Variants in RPH3AL observed in about 807,000 individuals in gnomAD.
The protein encoded by RPH3AL is rabphilin 3A like (without C2 domains).
RPH3AL carries 38 observed loss-of-function variants against 43.1 expected under a neutral mutation model. The observed-to-expected ratio is 0.88, with a 90% CI of 0.68 to 1.15. The LOEUF is 1.15. Ranked by LOEUF, RPH3AL falls within the 50% of genes most tolerant of loss-of-function variation. The pLI is 0.00. For synonymous variants in RPH3AL, 189 were observed against 176.3 expected (o/e 1.07, Z -0.57); for missense variants, 462 against 423.2 (o/e 1.09, Z -0.81).
chr17:326,586 G>T (rs974845901), intron 3 of RPH3AL, among the ~76,000 whole-genome samples: 1 of 152,172 alleles, frequency 6.6e-6, no homozygotes. Flanking sequence ...CTGAGGGACA[G>T]CAGGAAAACC....
At chr17:220,766 C>A (rs866885866) in intron 7 of RPH3AL, among the ~76,000 whole-genome samples, 371 of 1,538 alleles carry the variant, frequency 0.24, 23 homozygotes, top group Middle Eastern at 0.5. Flanking sequence ...TAGACCCAAG[C>A]ACATCAGCTC....
chr17:224,023 G>A (rs1436208661), intron 7 of RPH3AL, among the ~76,000 whole-genome samples: 1 of 152,218 alleles, frequency 6.6e-6, no homozygotes, highest in East Asian at 1.9e-4. Context: ...GGGACTCGTG[G>A]TCTTGCCTCT....
intron 5 of RPH3AL, among the ~76,000 whole-genome samples, chr17:298,021 C>T (rs1470569339): frequency 1.3e-5 from 2 of 152,164 alleles, no homozygotes; most frequent in Admixed American, 6.5e-5. Context: ...CACGCCAGCC[C>T]CACACTTTGC....
At chr17:337,390 G>C (rs1009118363) in intron 1 of RPH3AL, among the ~76,000 whole-genome samples, 1 of 152,110 alleles carries the variant, frequency 6.6e-6, no homozygotes, top group African/African-American at 2.4e-5. Context: ...AGTACGCCAC[G>C]ACACCCAGCC....
intron 7 of RPH3AL, among the ~76,000 whole-genome samples, chr17:242,174 C>T (rs1329997081): frequency 6.6e-6 from 1 of 152,116 alleles, no homozygotes; most frequent in South Asian, 2.1e-4. Flanking sequence ...AAGGAACCCA[C>T]CTCAGAAACA....
rs373780238 is a variant in RPH3AL at position 319,447 on chromosome 17, C to T, written c.324G>A (p.Ser108=). ...TCCTGCAGTCTTTGCAGAACACCGA[C>T]GAGCTGCCCAGGAAGCCCAGCACCT... is the stretch of plus-strand genomic sequence containing the variant. The part of the protein sequence containing the change: ...CGEVLGFLGS[S]SVFCKDCRKK... Residue 108 remains serine, a synonymous_variant, in exon 5 of 10, where the codon TCG becomes TCA. Transcript: ENST00000331302. 33 of 1,612,432 alleles carry T rather than the reference C, an allele frequency of 2.0e-5. No homozygotes were observed. Among genetic ancestry groups the T allele is most frequent in the East Asian group, 8.9e-5 (4 of 44,878 alleles).
At chr17:350,560 G>A (rs756833739) in intron 1 of RPH3AL, among the ~76,000 whole-genome samples, 7 of 152,136 alleles carry the variant, frequency 4.6e-5, no homozygotes, top group South Asian at 4.2e-4. Context: ...GCAGTGAGCC[G>A]AGATCGCACC....
chr17:271,203 G>A (rs776458934), intron 6 of RPH3AL, among the ~76,000 whole-genome samples: 101 of 152,208 alleles, frequency 6.6e-4, no homozygotes, highest in Non-Finnish European at 1.2e-3. Context: ...CTGAAATCAG[G>A]TAGCGTGATG....
chr17:216,480 T>C (rs917844289), intron 8 of RPH3AL, among the ~76,000 whole-genome samples: 1 of 152,180 alleles, frequency 6.6e-6, no homozygotes, highest in Non-Finnish European at 1.5e-5. Context: ...GTTTCTGGTC[T>C]TTGCCTGGCC....
chr17:264,370 A>ACCGTGT lies in RPH3AL; in HGVS notation c.439-17086_439-17085insACACGG, dbSNP rs2042271836. ...CGCTGGATGGGGACTCAGAATCCGCAGCACGTTGACAGCAGGATTACCCTT... is the reference window on the plus strand; with the variant it reads ...CGCTGGATGGGGACTCAGAATCCGCACCGTGTGCACGTTGACAGCAGGATTACCCTT... On this transcript the variant is annotated intron_variant, in intron 6 of 9. Coordinates refer to ENST00000331302, the MANE Select transcript of RPH3AL (RefSeq NM_006987.4). The surrounding 1 kb of genome is among the most constrained non-coding windows in gnomAD (Gnocchi z 4.8). Among the ~76,000 whole-genome samples the ACCGTGT allele has an allele frequency of 5.6e-5, 4 of 71,972 alleles. No homozygotes were observed. The highest frequency in any genetic ancestry group is 1.1e-4 in the African/African-American group (2 of 18,738). The allele number at this position is 71,972 out of a possible 152,430, so 47.2% of individuals were successfully genotyped here.
At chr17:266,318 G>A (rs890710468) in intron 6 of RPH3AL, among the ~76,000 whole-genome samples, 3 of 151,486 alleles carry the variant, frequency 2.0e-5, no homozygotes, top group African/African-American at 7.3e-5. Context: ...GTGCACCTGC[G>A]TGCATGCTGG....
At chr17:236,521 C>T (rs1370078556) in intron 7 of RPH3AL, among the ~76,000 whole-genome samples, 1 of 151,866 alleles carries the variant, frequency 6.6e-6, no homozygotes, top group East Asian at 1.9e-4. Context: ...ACTTTTTCTC[C>T]CAAGTATGGA....
intron 7 of RPH3AL, among the ~76,000 whole-genome samples, chr17:240,000 G>T (rs1450869185): frequency 6.6e-6 from 1 of 152,166 alleles, no homozygotes; most frequent in Non-Finnish European, 1.5e-5. Context: ...CACTTTGGGA[G>T]GCCAAGGTGG....
rs769158104 is a variant in RPH3AL at position 247,202 on chromosome 17, G to T, written c.522C>A (p.Asp174Glu). 2.0e-5 allele frequency: 33 copies of T among 1,613,924 alleles called. No individual in the cohort carries two copies. The highest frequency in any genetic ancestry group is 2.7e-5 in the Non-Finnish European group (32 of 1,179,982). ...CCGTGGGCAAAGGTCGGAAGTGGGG[G>T]TCATCAGCTCGGCCAGGGGTCTTCA... Reference protein sequence around the residue: ...LPLKTPGRADDPHFRPLPTEP... With the variant: ...LPLKTPGRADEPHFRPLPTEP... The change falls in exon 7 of 10, where the codon GAC (aspartate) becomes GAA (glutamate). Residue 174 changes from aspartate to glutamate, a missense_variant. Transcript: ENST00000331302.
At chr17:313,617 G>C (rs1477780147) in intron 5 of RPH3AL, among the ~76,000 whole-genome samples, 1 of 152,180 alleles carries the variant, frequency 6.6e-6, no homozygotes, top group Non-Finnish European at 1.5e-5. Flanking sequence ...TAATTCAACA[G>C]AGTCCTCGGT....
At chr17:238,607 A>T (rs1443684247) in intron 7 of RPH3AL, among the ~76,000 whole-genome samples, 4 of 152,350 alleles carry the variant, frequency 2.6e-5, no homozygotes, top group African/African-American at 4.8e-5. Context: ...TTGCAAAGAC[A>T]TCTGTCCTGA....
At chr17:293,380 C>A (rs1322934017) in intron 5 of RPH3AL, among the ~76,000 whole-genome samples, 2 of 151,640 alleles carry the variant, frequency 1.3e-5, no homozygotes, top group Non-Finnish European at 2.9e-5. Context: ...GACGGGGCTT[C>A]GGATCATTTC....
chr17:225,790 C>T lies in RPH3AL; in HGVS notation c.614-6054G>A, dbSNP rs544819980. 1.3e-5 allele frequency among the ~76,000 whole-genome samples: 2 copies of T among 152,336 alleles called. No individual in the cohort carries two copies. The highest frequency in any genetic ancestry group is 2.1e-4 in the South Asian group (1 of 4,826). On this transcript the variant is annotated intron_variant, in intron 7 of 9. Transcript: ENST00000331302. The surrounding 1 kb of genome is among the most constrained non-coding windows in gnomAD (Gnocchi z 4.4). ...CACAGTCTGGGGCTGGCGGTGGGCA[C>T]GGGGCTCCGTGGTGTCACACAGTAC...
At chr17:261,576 G>A (rs2042195488) in intron 6 of RPH3AL, 1 of 152,206 alleles carries the variant, frequency 6.6e-6, no homozygotes, top group Non-Finnish European at 1.5e-5. Context: ...GGAAAAGATA[G>A]GCCAGCTATA....
Sources: gnomAD v4.1 joint callset for allele counts (sites outside exome capture counted in the v4.1 genomes callset) on GRCh38, gnomAD v4.1.1 for gene constraint, Gnocchi (gnomAD v3.1) non-coding constraint, MANE v1.5 for transcripts, NCBI Gene and HGNC (gene_info 2026-07-23, HGNC 2026-07-21) for gene names.